MGAT5B: variants seen among roughly 807,000 people sequenced by gnomAD.
MGAT5B encodes N-acetylglucosaminyl-transferase Vb.
In MGAT5B, 54 loss-of-function variants were observed where a neutral mutation model predicts 95.1. That is an observed-to-expected ratio of 0.57 (90% CI 0.46 to 0.71). The LOEUF (loss-of-function observed/expected upper bound fraction) is 0.71. Ranked by LOEUF, MGAT5B falls within the 30% of genes least tolerant of loss-of-function variation. MGAT5B has a pLI of 0.00. For synonymous variants in MGAT5B, 464 were observed against 451.0 expected, an observed-to-expected ratio of 1.03 and a Z score of -0.36; for missense variants, 935 against 1,088.6, an observed-to-expected ratio of 0.86 and a Z score of 1.99.
At chr17:76,935,172 G>A (rs950769071) in intron 12 of MGAT5B, among the ~76,000 whole-genome samples, 5 of 152,172 alleles carry the variant, frequency 3.3e-5, no homozygotes, top group South Asian at 2.1e-4. Context: ...GTTCAGGCCC[G>A]GGGCAAACCC....
chr17:76,921,567 C>A (rs1331002451), intron 8 of MGAT5B, among the ~76,000 whole-genome samples: 1 of 152,144 alleles, frequency 6.6e-6, no homozygotes, highest in Non-Finnish European at 1.5e-5. Flanking sequence ...GGGGGTCCAC[C>A]TTCCACCCAC....
intron 2 of MGAT5B, among the ~76,000 whole-genome samples, chr17:76,876,874 C>T (rs1010458047): frequency 6.6e-6 from 1 of 152,194 alleles, no homozygotes; most frequent in Non-Finnish European, 1.5e-5. Context: ...GAGGGCTTTC[C>T]GGCATTGCCC....
chr17:76,885,574 C>T (rs1415478807), intron 3 of MGAT5B, among the ~76,000 whole-genome samples: 2 of 152,194 alleles, frequency 1.3e-5, no homozygotes, highest in East Asian at 3.8e-4. Context: ...CCCTTTGTCT[C>T]CTCCTGGGGA....
chr17:76,871,852 C>T (rs1050584110), intron 1 of MGAT5B, among the ~76,000 whole-genome samples: 1 of 152,166 alleles, frequency 6.6e-6, no homozygotes, highest in Non-Finnish European at 1.5e-5. Context: ...CAGAAGAGCC[C>T]CAAGGCTGTG....
intron 15 of MGAT5B, among the ~76,000 whole-genome samples, chr17:76,944,808 G>A (rs1159614594): frequency 3.3e-5 from 5 of 152,244 alleles, no homozygotes; most frequent in Non-Finnish European, 5.9e-5. Flanking sequence ...AAGAAGTGGG[G>A]TACACAGAAG....
In MGAT5B at chr17:76,915,441, G is replaced by A. The variant is rs1451557273; in HGVS notation, c.1025+9254G>A. Among the ~76,000 whole-genome samples, 1 of 152,132 alleles carries A rather than the reference G, an allele frequency of 6.6e-6. No individual in the cohort carries two copies. Among genetic ancestry groups the A allele is most frequent in the Non-Finnish European group, 1.5e-5 (1 of 68,034 alleles). ...CCCACAAGCCAGGTGGAGGCAGCGG[G>A]AGACGCGAGGAAGTGGACAAGACCG... is the stretch of plus-strand genomic sequence containing the variant. On this transcript the variant is annotated intron_variant, in intron 8 of 17. Transcript: ENST00000569840. This position sits in a 1 kb window ranked among gnomAD's most constrained non-coding sequence, Gnocchi z 8.7.
chr17:76,901,007 T>C lies in MGAT5B; in HGVS notation c.330-1548T>C, dbSNP rs867477288. 2.6e-5 allele frequency among the ~76,000 whole-genome samples: 4 copies of C among 152,328 alleles called. No individual in the cohort carries two copies. In the South Asian group the frequency reaches 8.3e-4, roughly 32 times the overall value. On this transcript the variant is annotated intron_variant, in intron 3 of 17. Coordinates refer to ENST00000569840, the MANE Select transcript of MGAT5B (RefSeq NM_001199172.2). ...TGCATGTGTGTACATGGGGGGCTTG[T>C]TCCCCATTCCTGTCATCTGCCTTTT...
chr17:76,926,601 C>T lies in MGAT5B; in HGVS notation c.1162C>T (p.Arg388Ter), dbSNP rs778386911. 11 of 1,609,510 alleles carry T rather than the reference C, an allele frequency of 6.8e-6. No individual in the cohort carries two copies. The highest frequency in any genetic ancestry group is 1.3e-5 in the African/African-American group (1 of 74,872). ...MGLSFKKYRC[R>*]IRVIDTFGTE... ...CCTGGTCCCCTGGGGGGGCAGGTGCCGAATCAGGGTCATCGACACCTTCGG... is the reference window on the plus strand; with the variant it reads ...CCTGGTCCCCTGGGGGGGCAGGTGCTGAATCAGGGTCATCGACACCTTCGG... The change falls in exon 10 of 18, where the codon CGA (arginine) becomes TGA (stop). Residue 388 changes from arginine to a stop codon, truncating the protein, a stop_gained. Transcript: ENST00000569840. LOFTEE classifies it high-confidence loss of function.
At chr17:76,941,422 T>A (rs969693507) in intron 15 of MGAT5B, among the ~76,000 whole-genome samples, 1 of 152,174 alleles carries the variant, frequency 6.6e-6, no homozygotes, top group Non-Finnish European at 1.5e-5. Context: ...GCAGTGGACA[T>A]GTTTGTGGCT....
At chr17:76,936,284 C>G (rs4788960) in intron 12 of MGAT5B, among the ~76,000 whole-genome samples, 27,045 of 151,896 alleles carry the variant, frequency 0.18, 2,606 homozygotes, top group East Asian at 0.39. Context: ...GGCGTGCGCC[C>G]GTAGTCCCAG....
intron 8 of MGAT5B, among the ~76,000 whole-genome samples, chr17:76,919,431 A>C (rs1030163950): frequency 2.6e-5 from 4 of 152,164 alleles, no homozygotes; most frequent in Non-Finnish European, 5.9e-5. Context: ...AATTATTTTT[A>C]AATTATTCGT....
chr17:76,924,069 G>A (rs1348594556), intron 8 of MGAT5B: 2 of 152,326 alleles, frequency 1.3e-5, no homozygotes, highest in Admixed American at 6.5e-5. Flanking sequence ...CTGGCGGGAG[G>A]AGCTGGTTTG....
At chr17:76,899,487 A>T (rs1303584610) in intron 3 of MGAT5B, among the ~76,000 whole-genome samples, 1 of 152,120 alleles carries the variant, frequency 6.6e-6, no homozygotes, top group African/African-American at 2.4e-5. Context: ...TTAAAAAAAA[A>T]TTAGCCGGAC....
intron 3 of MGAT5B, among the ~76,000 whole-genome samples, chr17:76,882,938 C>A (rs1967489954): frequency 6.6e-6 from 1 of 151,982 alleles, no homozygotes; most frequent in Non-Finnish European, 1.5e-5. Context: ...TAGTCTCAAA[C>A]TGCTGACCTC....
At position 76,948,740 on chromosome 17, in the gene MGAT5B, C is replaced by T; in HGVS notation, c.2281C>T (p.Leu761Phe). ...QECYLQKEPL[L>F]FSCAGSNTKY... ...GTGCTACCTGCAGAAGGAGCCTCTG[C>T]TCTTCAGCTGCGCCGGCTCCAACAC... Residue 761 changes from leucine (L) to phenylalanine (F), a missense_variant, in exon 18 of 18, where the codon CTC becomes TTC. Leu to Phe is a conservative substitution (Grantham distance 22, BLOSUM62 0). Transcript: ENST00000569840. 1 of 1,612,600 alleles carries T rather than the reference C, an allele frequency of 6.2e-7. No homozygotes were observed. The highest frequency in any genetic ancestry group is 1.1e-5 in the South Asian group (1 of 90,750).
intron 3 of MGAT5B, among the ~76,000 whole-genome samples, chr17:76,884,372 A>T (rs747543969): frequency 1.2e-4 from 18 of 152,260 alleles, no homozygotes; most frequent in Admixed American, 2.0e-4. Flanking sequence ...TTGATGATTG[A>T]TTCAATATGT....
intron 3 of MGAT5B, among the ~76,000 whole-genome samples, chr17:76,895,430 G>A (rs891504572): frequency 6.6e-6 from 1 of 152,002 alleles, no homozygotes; most frequent in Non-Finnish European, 1.5e-5. Flanking sequence ...TGTCTTCCAC[G>A]AAACCAGTCC....
Position 76,915,858 on chromosome 17 carries a change from C to T in MGAT5B, c.1026-9108C>T, listed in dbSNP as rs971017279. On this transcript the variant is annotated intron_variant, in intron 8 of 17. Coordinates refer to ENST00000569840, the MANE Select transcript of MGAT5B (RefSeq NM_001199172.2). The surrounding 1 kb of genome is among the most constrained non-coding windows in gnomAD (Gnocchi z 8.7). ...TTTAACCTCCTGGCTGAGCGGGGAG[C>T]GAGCGCAGGAGCACACATCCCAGCG... Among the ~76,000 whole-genome samples, 11 of 152,322 alleles carry T rather than the reference C, an allele frequency of 7.2e-5. No homozygotes were observed. The highest frequency in any genetic ancestry group is 6.2e-4 in the South Asian group (3 of 4,826).
Position 76,914,142 on chromosome 17 carries a change from G to A in MGAT5B, c.1025+7955G>A. The A allele has an allele frequency of 1.8e-5, 3 of 171,390 alleles. No homozygotes were observed. Among genetic ancestry groups the A allele is most frequent in the Non-Finnish European group, 1.3e-5 (1 of 79,608 alleles). 10.6% of individuals were successfully genotyped at this position (171,390 alleles called of 1,614,324 possible). A position where few individuals can be genotyped will look rare whatever the true frequency, so the allele number is the denominator to read the frequency against. ...GAAGAAGAAAGAAAGAAGGAAAGAA[G>A]GAAGGAAGGAGAGAGAGAAAGAAAG... On this transcript the variant is annotated intron_variant, in intron 8 of 17. Coordinates refer to ENST00000569840, the MANE Select transcript of MGAT5B (RefSeq NM_001199172.2). The surrounding 1 kb of genome is among the most constrained non-coding windows in gnomAD (Gnocchi z 5.1).
Sources: gnomAD v4.1 joint callset for allele counts (sites outside exome capture counted in the v4.1 genomes callset) on GRCh38, gnomAD v4.1.1 for gene constraint, Gnocchi (gnomAD v3.1) non-coding constraint, MANE v1.5 for transcripts, NCBI Gene and HGNC (gene_info 2026-07-23, HGNC 2026-07-21) for gene names.